Variants in CUL3 observed in about 807,000 individuals in gnomAD.
The protein encoded by CUL3 is cullin-3.
In CUL3, 19 loss-of-function variants were observed where a neutral mutation model predicts 89.1. The observed-to-expected ratio is 0.21, with a 90% CI of 0.15 to 0.31. CUL3 has a LOEUF of 0.31. Among genes scored for constraint, CUL3 ranks in the 10% least tolerant of loss-of-function variants. The pLI, the probability that CUL3 is intolerant of heterozygous loss-of-function variation, is 1.00. For synonymous variants in CUL3, 351 were observed against 308.4 expected (o/e 1.14, Z -1.45); for missense variants, 469 against 942.3 (o/e 0.50, Z 6.58).
Position 224,585,273 on chromosome 2 carries a change from C to G in CUL3, c.-264G>C. 2.5e-6 allele frequency: 1 copy of G among 398,762 alleles called. No individual in the cohort carries two copies. Among genetic ancestry groups the G allele is most frequent in the Non-Finnish European group, 4.4e-6 (1 of 227,286 alleles). The allele number at this position is 398,762 out of a possible 1,614,324, so 24.7% of individuals were successfully genotyped here. ...CGGCTCCGCGGGGTCCCCCTCACGT[C>G]CGGCTCGGCTCCCTTTATCGCGCTC... On this transcript the variant is annotated 5_prime_UTR_variant, in exon 1 of 16. Coordinates refer to ENST00000264414, the MANE Select transcript of CUL3 (RefSeq NM_003590.5).
rs962275502 is a variant in CUL3 at position 224,472,390 on chromosome 2, T to TA, written c.*1854dup. On this transcript the variant is annotated 3_prime_UTR_variant, in exon 16 of 16. Coordinates refer to ENST00000264414, the MANE Select transcript of CUL3 (RefSeq NM_003590.5). The stretch of plus-strand genomic sequence containing the variant: ...TGAGCTGTCCTGTTTTCCCAGGTGT[T>TA]AAATATCATTTAACTGGGAAATGAA... 4 of 207,252 alleles carry TA rather than the reference T, an allele frequency of 1.9e-5. No individual in the cohort carries two copies. The highest frequency in any genetic ancestry group is 2.9e-5 in the Non-Finnish European group (3 of 101,820). 12.8% of individuals were successfully genotyped at this position (207,252 alleles called of 1,614,324 possible). A position where few individuals can be genotyped will look rare whatever the true frequency, so the allele number is the denominator to read the frequency against.
intron 2 of CUL3, among the ~76,000 whole-genome samples, chr2:224,543,936 G>T (rs980760437): frequency 6.6e-6 from 1 of 151,934 alleles, no homozygotes; most frequent in East Asian, 1.9e-4. Context: ...AGTGAGCCGA[G>T]ATCATGCCAC....
In CUL3 at chr2:224,585,228, G is replaced by T. The variant is rs1695556767; in HGVS notation, c.-219C>A. The T allele has an allele frequency of 2.6e-6, 1 of 384,904 alleles. No individual in the cohort carries two copies. Among genetic ancestry groups the T allele is most frequent in the East Asian group, 3.7e-5 (1 of 27,156 alleles). The allele number at this position is 384,904 out of a possible 1,614,324, so 23.8% of individuals were successfully genotyped here. A position where few individuals can be genotyped will look rare whatever the true frequency, so the allele number is the denominator to read the frequency against. The stretch of plus-strand genomic sequence containing the variant: ...GGACTCTGGCGACTCCGATGCGGCT[G>T]GGGGGCTGCGCTGGCGCGGCGGCTC... On this transcript the variant is annotated 5_prime_UTR_variant, in exon 1 of 16. Transcript: ENST00000264414.
chr2:224,533,959 C>T (rs1180375379), intron 3 of CUL3, among the ~76,000 whole-genome samples: 1 of 152,178 alleles, frequency 6.6e-6, no homozygotes. Context: ...GGAAATTCTT[C>T]CCAAACATTG....
chr2:224,565,059 TGAGA>T (rs914419822), intron 1 of CUL3, among the ~76,000 whole-genome samples: 7 of 152,276 alleles, frequency 4.6e-5, no homozygotes, highest in African/African-American at 1.7e-4. Flanking sequence ...CTGAACCATG[TGAGA>T]GTTAGGAAAA....
chr2:224,480,259 T>C (rs187713569), intron 14 of CUL3: 13 of 152,290 alleles, frequency 8.5e-5, no homozygotes, highest in Admixed American at 8.5e-4. Context: ...AAAAGCAGCA[T>C]AAATAGGTAG....
chr2:224,537,783 TAA>T (rs1274754691), intron 2 of CUL3, among the ~76,000 whole-genome samples: 2 of 152,190 alleles, frequency 1.3e-5, no homozygotes, highest in African/African-American at 4.8e-5. Flanking sequence ...CGCTATATTA[TAA>T]AATTAAGTTA....
chr2:224,577,398 C>T (rs1297293652), intron 1 of CUL3, among the ~76,000 whole-genome samples: 1 of 152,108 alleles, frequency 6.6e-6, no homozygotes, highest in African/African-American at 2.4e-5. Flanking sequence ...GAAACCCCGT[C>T]TCTACTAAAA....
chr2:224,523,820 A>G (rs112028045), intron 3 of CUL3, among the ~76,000 whole-genome samples: 52 of 152,350 alleles, frequency 3.4e-4, no homozygotes, highest in Middle Eastern at 3.4e-3. Context: ...ACAAAGGGAC[A>G]AACACCTTAT....
chr2:224,474,036 C>T lies in CUL3; in HGVS notation c.*209G>A, dbSNP rs2106132159. 2 of 383,228 alleles carry T rather than the reference C, an allele frequency of 5.2e-6. No homozygotes were observed. Among genetic ancestry groups the T allele is most frequent in the East Asian group, 3.8e-5 (1 of 26,486 alleles). The allele number at this position is 383,228 out of a possible 1,614,324, so 23.7% of individuals were successfully genotyped here. On this transcript the variant is annotated 3_prime_UTR_variant, in exon 16 of 16. Coordinates refer to ENST00000264414, the MANE Select transcript of CUL3 (RefSeq NM_003590.5). ...TTTCCCGAGGAACTGTAAAGATGAT[C>T]TCTACAGGGATAAACGTTGTAAAGC...
chr2:224,471,784 T>A lies in CUL3; in HGVS notation c.*2461A>T. On this transcript the variant is annotated 3_prime_UTR_variant, in exon 16 of 16. Transcript: ENST00000264414. ...ATAAACACTGTCCTGGACTTGATAA[T>A]GAAGGCAGAGAATTACACTTTAACA... The A allele has an allele frequency of 4.4e-6, 1 of 227,616 alleles. No homozygotes were observed. The highest frequency in any genetic ancestry group is 6.3e-5 in the East Asian group (1 of 15,756). 14.1% of individuals were successfully genotyped at this position (227,616 alleles called of 1,614,324 possible). A position where few individuals can be genotyped will look rare whatever the true frequency, so the allele number is the denominator to read the frequency against.
intron 1 of CUL3, among the ~76,000 whole-genome samples, chr2:224,566,280 C>T (rs1695038223): frequency 1.3e-5 from 2 of 152,242 alleles, no homozygotes; most frequent in Admixed American, 1.3e-4. Context: ...AGAGTTCTCA[C>T]TGTCCAGGCC....
intron 3 of CUL3, among the ~76,000 whole-genome samples, chr2:224,516,881 G>T (rs1012327788): frequency 6.6e-6 from 1 of 151,918 alleles, no homozygotes; most frequent in African/African-American, 2.4e-5. Flanking sequence ...TCCTAACCTC[G>T]TGATCCACCC....
chr2:224,537,298 G>T (rs778392992), intron 2 of CUL3, among the ~76,000 whole-genome samples: 2 of 152,098 alleles, frequency 1.3e-5, no homozygotes, highest in Non-Finnish European at 2.9e-5. Context: ...GGAAAACGAG[G>T]TTATTAGATT....
chr2:224,506,088 T>G lies in CUL3; in HGVS notation c.1074A>C (p.Glu358Asp). The change falls in exon 8 of 16, where the codon GAA becomes GAC. Residue 358 changes from glutamate (E) to aspartate (D), a missense_variant. By Grantham distance (45) the Glu-to-Asp change is conservative (BLOSUM62 2). Coordinates refer to ENST00000264414, the MANE Select transcript of CUL3 (RefSeq NM_003590.5). ...TAAAGAGACGGTCATTGTTGAATGA[T>G]TCCAGGAGGAAGCGATCGAACCTAC... is the stretch of plus-strand genomic sequence containing the variant. ...LKSRFDRFLL[E>D]SFNNDRLFKQ... 5.6e-6 allele frequency: 9 copies of G among 1,610,554 alleles called. No individual in the cohort carries two copies. The highest frequency in any genetic ancestry group is 7.6e-6 in the Non-Finnish European group (9 of 1,178,200).
At chr2:224,579,847 C>T (rs1243285632) in intron 1 of CUL3, among the ~76,000 whole-genome samples, 3 of 152,168 alleles carry the variant, frequency 2.0e-5, no homozygotes, top group African/African-American at 7.2e-5. Context: ...GCTTTATTAC[C>T]GTTTGATACA....
intron 8 of CUL3, 84 bp downstream of exon 8, chr2:224,505,872 T>C: frequency 1.1e-6 from 1 of 933,986 alleles, no homozygotes; most frequent in Non-Finnish European, 1.5e-6. Flanking sequence ...GCTTAATTTT[T>C]ATCTGTGAAA....
intron 2 of CUL3, 21 bp downstream of exon 2, chr2:224,557,638 C>T (rs2106303917): frequency 1.3e-6 from 2 of 1,524,964 alleles, no homozygotes; most frequent in Non-Finnish European, 1.8e-6. Flanking sequence ...GTATTAGCAA[C>T]AGTCCTTTAA....
intron 15 of CUL3, among the ~76,000 whole-genome samples, chr2:224,474,667 C>T (rs1032264828): frequency 1.4e-4 from 22 of 152,176 alleles, no homozygotes; most frequent in Admixed American, 2.6e-4. Context: ...CGTTTTGATG[C>T]TGTTATCTAC....
Sources: allele counts gnomAD v4.1 joint callset (sites outside exome capture counted in the v4.1 genomes callset), GRCh38; gene constraint gnomAD v4.1.1; transcripts MANE v1.5; gene names NCBI Gene and HGNC (gene_info 2026-07-23, HGNC 2026-07-21).